Variants in KCNIP2 observed in about 807,000 individuals in gnomAD.
The protein encoded by KCNIP2 is A-type potassium channel modulatory protein KCNIP2.
Under a neutral mutation model 39.0 loss-of-function variants are expected in KCNIP2, and 19 were observed. The ratio of observed to expected loss-of-function variants is 0.49; its 90% CI spans 0.34 to 0.71. The LOEUF (loss-of-function observed/expected upper bound fraction) is 0.71. KCNIP2 is among the 30% of genes least tolerant of loss of function. KCNIP2 has a pLI of 0.01. For synonymous variants in KCNIP2, 111 were observed against 131.2 expected (o/e 0.85, Z 1.05); for missense variants, 261 against 346.0 (o/e 0.75, Z 1.95).
At chr10:101,829,667 CCCAGCCATGCCTGAG>C (rs2065893563) in intron 3 of KCNIP2, 162 bp downstream of exon 3, 1 of 258,750 alleles carries the variant, frequency 3.9e-6, no homozygotes, top group African/African-American at 2.7e-5. Context: ...CCCCATCTAT[CCCAGCCATGCCTGAG>C]CCATGCCCCG....
In KCNIP2 at chr10:101,836,152, T is replaced by C. The variant is rs80120563; in HGVS notation, c.74-4985A>G. ...CGAGGTTGGCTGATCTGCAGTTCTA[T>C]ACAGCCACCACCGGGGGGCACGCGT... On this transcript the variant is annotated intron_variant, in intron 1 of 9. Coordinates refer to ENST00000356640, the MANE Select transcript of KCNIP2 (RefSeq NM_173191.3). Among the ~76,000 whole-genome samples the C allele has an allele frequency of 5.1e-3, 776 of 152,196 alleles. 4 individuals carry two copies. The highest frequency in any genetic ancestry group is 8.6e-3 in the Non-Finnish European group (584 of 68,012).
intron 2 of KCNIP2, 138 bp from the exon 3 acceptor site, chr10:101,830,035 A>G: frequency 1.0e-6 from 1 of 953,550 alleles, no homozygotes. Flanking sequence ...CACACACGAA[A>G]CGGACCCCAT....
At chr10:101,835,753 G>A (rs1416024255) in intron 1 of KCNIP2, among the ~76,000 whole-genome samples, 1 of 152,140 alleles carries the variant, frequency 6.6e-6, no homozygotes, top group Non-Finnish European at 1.5e-5. Flanking sequence ...CATTACTACC[G>A]CTGCTGGCTA....
chr10:101,830,490 T>G (rs1196958542), intron 2 of KCNIP2: 1 of 1,256,510 alleles, frequency 8.0e-7, no homozygotes, highest in Non-Finnish European at 1.0e-6. Context: ...CTACACAGGC[T>G]CAGGCCTCAG....
At chr10:101,829,038 C>A (rs748830129) in intron 4 of KCNIP2, 37 bp downstream of exon 4, 3 of 1,602,328 alleles carry the variant, frequency 1.9e-6, no homozygotes, top group Non-Finnish European at 1.7e-6. Flanking sequence ...GTCCTCCTGT[C>A]CCACCCTCGC....
Position 101,843,362 on chromosome 10 carries a change from G to A in KCNIP2, c.73+134C>T. 2.0e-6 allele frequency: 1 copy of A among 501,074 alleles called. No individual in the cohort carries two copies. Among genetic ancestry groups the A allele is most frequent in the Non-Finnish European group, 3.3e-6 (1 of 300,420 alleles). 31.0% of individuals were successfully genotyped at this position (501,074 alleles called of 1,614,324 possible). ...GGCTTTGAACCCCCAGTGTCCTGCC[G>A]CCCAGACCGGCCATAAGAGTGCCTG... On this transcript the variant is annotated intron_variant, in intron 1 of 9. Coordinates refer to ENST00000356640, the MANE Select transcript of KCNIP2 (RefSeq NM_173191.3). The surrounding 1 kb of genome is among the most constrained non-coding windows in gnomAD (Gnocchi z 6.7).
chr10:101,833,440 C>T (rs2066055318), intron 1 of KCNIP2, among the ~76,000 whole-genome samples: 1 of 152,084 alleles, frequency 6.6e-6, no homozygotes, highest in African/African-American at 2.4e-5. Context: ...CTGATCTGAT[C>T]CACTCCTCAT....
chr10:101,834,866 T>C (rs553448873), intron 1 of KCNIP2, among the ~76,000 whole-genome samples: 2 of 152,352 alleles, frequency 1.3e-5, no homozygotes, highest in South Asian at 4.1e-4. Context: ...CCTGTGTGTA[T>C]ATTCCTGTGT....
chr10:101,831,889 A>G (rs992434768), intron 1 of KCNIP2, among the ~76,000 whole-genome samples: 1 of 152,184 alleles, frequency 6.6e-6, no homozygotes, highest in African/African-American at 2.4e-5. Flanking sequence ...ACACATATCC[A>G]TATCATACTG....
Position 101,831,022 on chromosome 10 carries a change from C to T in KCNIP2, c.169+50G>A, listed in dbSNP as rs781101910. The T allele has an allele frequency of 4.2e-5, 62 of 1,476,988 alleles. No individual in the cohort carries two copies. The Admixed American group carries it at 9.5e-4, about 23-fold the overall frequency. 91.5% of individuals were successfully genotyped at this position (1,476,988 alleles called of 1,614,324 possible). A position where few individuals can be genotyped will look rare whatever the true frequency, so the allele number is the denominator to read the frequency against. ...ACGCGCACACACTCATGCACAGACA[C>T]GCACGCACACATCGAGCCCCGCCCC... On this transcript the variant is annotated intron_variant, in intron 2 of 9. Coordinates refer to ENST00000356640, the MANE Select transcript of KCNIP2 (RefSeq NM_173191.3).
At chr10:101,839,944 G>C in intron 1 of KCNIP2, 1 of 1,097,636 alleles carries the variant, frequency 9.1e-7, no homozygotes, top group Non-Finnish European at 1.3e-6. Context: ...CGGGAGGGCC[G>C]GCCCGGCAGG....
chr10:101,828,425 G>C lies in KCNIP2; in HGVS notation c.453C>G (p.Ala151=). The change falls in exon 6 of 10, where the codon GCC becomes GCG. Residue 151 remains alanine, a synonymous_variant. Transcript: ENST00000356640. The surrounding 1 kb of genome is among the most constrained non-coding windows in gnomAD (Gnocchi z 6.6). ...SSTYATFLFN[A]FDTNHDGSVS... ...CCGAGCCATCATGGTTGGTGTCAAA[G>C]GCATTGAAGAGAAAAGTGGCATAGG... 1 of 1,614,140 alleles carries C rather than the reference G, an allele frequency of 6.2e-7. No individual in the cohort carries two copies. Among genetic ancestry groups the C allele is most frequent in the Non-Finnish European group, 8.5e-7 (1 of 1,180,042 alleles).
chr10:101,830,433 C>T (rs930634957), intron 2 of KCNIP2: 1 of 1,294,582 alleles, frequency 7.7e-7, no homozygotes, highest in Admixed American at 2.4e-5. Flanking sequence ...CCCAGCTAAG[C>T]CACATACAGA....
chr10:101,833,063 G>A (rs910300119), intron 1 of KCNIP2, among the ~76,000 whole-genome samples: 3 of 151,214 alleles, frequency 2.0e-5, no homozygotes, highest in Admixed American at 6.6e-5. Flanking sequence ...GAACCCTAGA[G>A]CAGGCAATTC....
At chr10:101,827,592 G>T in intron 9 of KCNIP2, 97 bp downstream of exon 9, 1 of 1,399,972 alleles carries the variant, frequency 7.1e-7, no homozygotes, top group Non-Finnish European at 1.0e-6. Flanking sequence ...TGGGGGTGAG[G>T]TGGGAAGGTG....
At chr10:101,829,038 C>T (rs748830129) in intron 4 of KCNIP2, 37 bp downstream of exon 4, 4 of 1,602,330 alleles carry the variant, frequency 2.5e-6, no homozygotes, top group African/African-American at 1.3e-5. Flanking sequence ...GTCCTCCTGT[C>T]CCACCCTCGC....
intron 1 of KCNIP2, among the ~76,000 whole-genome samples, chr10:101,837,297 TC>T (rs2066192994): frequency 6.6e-6 from 1 of 151,826 alleles, no homozygotes; most frequent in Non-Finnish European, 1.5e-5. Context: ...GAATTGAAGC[TC>T]CCCGCCAAGA....
intron 1 of KCNIP2, among the ~76,000 whole-genome samples, chr10:101,836,948 G>A (rs1226599216): frequency 4.0e-5 from 6 of 151,816 alleles, no homozygotes; most frequent in Non-Finnish European, 7.4e-5. Flanking sequence ...GCAACAGAGC[G>A]AGACTCTGTC....
chr10:101,831,882 C>T (rs924711819), intron 1 of KCNIP2, among the ~76,000 whole-genome samples: 2 of 152,172 alleles, frequency 1.3e-5, no homozygotes, highest in Admixed American at 6.5e-5. Context: ...TGTCATGACA[C>T]ATATCCATAT....
Sources: gnomAD v4.1 joint callset for allele counts (sites outside exome capture counted in the v4.1 genomes callset) on GRCh38, gnomAD v4.1.1 for gene constraint, Gnocchi (gnomAD v3.1) non-coding constraint, MANE v1.5 for transcripts, NCBI Gene and HGNC (gene_info 2026-07-23, HGNC 2026-07-21) for gene names.